The following ANKRD36C variants were observed in gnomAD, a reference collection of about 807,000 sequenced individuals.
ANKRD36C encodes ankyrin repeat domain 36C.
Under a neutral mutation model 276.4 loss-of-function variants are expected in ANKRD36C, and 61 were observed. The observed-to-expected ratio is 0.22, with a 90% CI of 0.18 to 0.27. ANKRD36C has a LOEUF of 0.27. Among genes scored for constraint, ANKRD36C ranks in the 10% least tolerant of loss-of-function variants. ANKRD36C has a pLI of 1.00. For missense variants in ANKRD36C, 1,447 were observed against 2,032.3 expected (o/e 0.71, Z 5.54); for synonymous variants, 483 against 680.1 (o/e 0.71, Z 4.51).
chr2:95,908,658 A>G lies in ANKRD36C; in HGVS notation c.2653+3586T>C. 3.8e-6 allele frequency: 6 copies of G among 1,564,516 alleles called. No homozygotes were observed. Among genetic ancestry groups the G allele is most frequent in the Non-Finnish European group, 5.2e-6 (6 of 1,153,370 alleles). ...TTTACTAGTTCACAACATAAATGACAGTTTCATTACCTTCAAGCCTGGTGG... is the reference window on the plus strand; with the variant it reads ...TTTACTAGTTCACAACATAAATGACGGTTTCATTACCTTCAAGCCTGGTGG... On this transcript the variant is annotated intron_variant, in intron 42 of 66. Coordinates refer to ENST00000456556, the Ensembl canonical transcript of ANKRD36C.
At chr2:95,871,559 A>C (rs1358668960) in intron 59 of ANKRD36C, among the ~76,000 whole-genome samples, 1 of 152,204 alleles carries the variant, frequency 6.6e-6, no homozygotes, top group African/African-American at 2.4e-5. Flanking sequence ...CCACTGCAAA[A>C]TCATGCCAAA....
chr2:95,965,054 A>G (rs1452999775), intron 6 of ANKRD36C, among the ~76,000 whole-genome samples: 1 of 151,984 alleles, frequency 6.6e-6, no homozygotes, highest in African/African-American at 2.4e-5. Flanking sequence ...TGAAAAATGA[A>G]GAATGGTGTA....
At chr2:95,855,382 C>T in exon 63 of ANKRD36C, 1 of 1,613,398 alleles carries the variant, frequency 6.2e-7, no homozygotes, top group Non-Finnish European at 8.5e-7. Context: ...CTGCACTCAG[C>T]TTGAAGGTTT....
chr2:95,916,102 A>C (rs753762099), intron 37 of ANKRD36C, 41 bp downstream of exon 39: 3 of 1,604,766 alleles, frequency 1.9e-6, no homozygotes, highest in East Asian at 2.3e-5. Context: ...TTCATAGGCT[A>C]TACGTTTACT....
rs1677213477 is a variant in ANKRD36C at position 95,919,685 on chromosome 2, C to A, written c.2246-1643G>T. 30 of 332,088 alleles carry A rather than the reference C, an allele frequency of 9.0e-5. 2 individuals carry two copies. The highest frequency in any genetic ancestry group is 1.1e-4 in the Non-Finnish European group (28 of 245,992). The allele number at this position is 332,088 out of a possible 1,614,324, so 20.6% of individuals were successfully genotyped here. A position where few individuals can be genotyped will look rare whatever the true frequency, so the allele number is the denominator to read the frequency against. Reference sequence around the variant, plus strand: ...CTGATTTATTCGGGATAGAGAAGTTCTTTTTTATCTGGATTGAACATGACA... The same window carrying A: ...CTGATTTATTCGGGATAGAGAAGTTATTTTTTATCTGGATTGAACATGACA... On this transcript the variant is annotated intron_variant, in intron 34 of 66. Coordinates refer to ENST00000456556, the Ensembl canonical transcript of ANKRD36C.
Position 95,919,693 on chromosome 2 carries a change from T to A in ANKRD36C, c.2246-1651A>T, listed in dbSNP as rs1186545309. ...TTCGGGATAGAGAAGTTCTTTTTTATCTGGATTGAACATGACATTGAATGT... is the reference window on the plus strand; with the variant it reads ...TTCGGGATAGAGAAGTTCTTTTTTAACTGGATTGAACATGACATTGAATGT... On this transcript the variant is annotated intron_variant, in intron 34 of 66. Transcript: ENST00000456556. 1.6e-5 allele frequency: 13 copies of A among 832,198 alleles called. 5 individuals carry two copies. Among genetic ancestry groups the A allele is most frequent in the Non-Finnish European group, 1.6e-5 (11 of 698,000 alleles). The allele number at this position is 832,198 out of a possible 1,614,324, so 51.6% of individuals were successfully genotyped here.
rs58947823 is a variant in ANKRD36C at position 95,856,904 on chromosome 2, C to G, written c.4080+405G>C. ...TACATACAAAAATAATCTTTTATTTCAAGACACCAAAAGTCAAGAAAATTA... is the reference window on the plus strand; with the variant it reads ...TACATACAAAAATAATCTTTTATTTGAAGACACCAAAAGTCAAGAAAATTA... On this transcript the variant is annotated intron_variant, in intron 62 of 66. Coordinates refer to ENST00000456556, the Ensembl canonical transcript of ANKRD36C. Among the ~76,000 whole-genome samples, 34 of 152,188 alleles carry G rather than the reference C, an allele frequency of 2.2e-4. No homozygotes were observed. The East Asian group carries it at 5.0e-3, about 22-fold the overall frequency.
intron 27 of ANKRD36C, 32 bp from the exon 28 acceptor site, chr2:95,927,318 C>G: frequency 6.2e-7 from 1 of 1,608,306 alleles, no homozygotes; most frequent in Non-Finnish European, 8.5e-7. Flanking sequence ...ATAATCAATA[C>G]GTAAAGTAGG....
chr2:95,867,060 A>G (rs1008934391), intron 60 of ANKRD36C, among the ~76,000 whole-genome samples: 5 of 152,196 alleles, frequency 3.3e-5, no homozygotes, highest in Non-Finnish European at 7.4e-5. Flanking sequence ...TTTTACAACT[A>G]TATAATTATG....
chr2:95,960,769 T>C, intron 8 of ANKRD36C, 102 bp from the exon 9 acceptor site: 1 of 592,200 alleles, frequency 1.7e-6, no homozygotes, highest in Non-Finnish European at 2.9e-6. Flanking sequence ...CCTGCCTGAA[T>C]TAGCATAGGC....
chr2:95,927,755 A>G (rs1677448572), intron 26 of ANKRD36C, among the ~76,000 whole-genome samples: 1 of 151,664 alleles, frequency 6.6e-6, no homozygotes, highest in South Asian at 2.1e-4. Flanking sequence ...CAGGTGGTAC[A>G]TTATCCCACA....
chr2:95,980,130 G>GAA (rs1189126535), intron 5 of ANKRD36C, among the ~76,000 whole-genome samples: 3 of 152,026 alleles, frequency 2.0e-5, no homozygotes, highest in Non-Finnish European at 4.4e-5. Flanking sequence ...CAGAATCAAT[G>GAA]AAAACAAAGC....
Position 95,938,055 on chromosome 2 carries a change from G to A in ANKRD36C, c.1633+774C>T, listed in dbSNP as rs1045809446. ...ATATATTCCACTGATTACAAAAGCC[G>A]AGTTGCAGCTATTATGTACATTGTG... On this transcript the variant is annotated intron_variant, in intron 22 of 66. Transcript: ENST00000456556. Among the ~76,000 whole-genome samples, 19 of 152,082 alleles carry A rather than the reference G, an allele frequency of 1.2e-4. 1 individual carries two copies. Among genetic ancestry groups the A allele is most frequent in the Admixed American group, 7.9e-4 (12 of 15,274 alleles).
At chr2:95,918,165 T>C (rs1007453744) in intron 34 of ANKRD36C, 123 bp from the exon 37 acceptor site, 18 of 1,446,322 alleles carry the variant, frequency 1.2e-5, no homozygotes, top group Non-Finnish European at 1.7e-5. Context: ...TCTGATGTCT[T>C]CTACTTTGTG....
chr2:95,912,772 A>T (rs1010677707), intron 40 of ANKRD36C, among the ~76,000 whole-genome samples: 1 of 151,534 alleles, frequency 6.6e-6, no homozygotes, highest in Non-Finnish European at 1.5e-5. Context: ...CGTGAGAATC[A>T]ATGTCAGAAC....
exon 61 of ANKRD36C, chr2:95,859,939 C>T: frequency 6.4e-7 from 1 of 1,550,526 alleles, no homozygotes; most frequent in Non-Finnish European, 8.7e-7. Flanking sequence ...TTCAGATAGT[C>T]TCTTTTGTAG....
exon 64 of ANKRD36C, chr2:95,853,797 G>A: frequency 6.2e-7 from 1 of 1,607,432 alleles, no homozygotes; most frequent in African/African-American, 1.3e-5. Context: ...ATCCAGCAAA[G>A]CTTTTGTTGC....
intron 44 of ANKRD36C, among the ~76,000 whole-genome samples, chr2:95,892,793 G>A (rs1676413170): frequency 6.6e-6 from 1 of 151,236 alleles, no homozygotes; most frequent in Non-Finnish European, 1.5e-5. Context: ...CTTGAACAAG[G>A]AAGCCAATGT....
chr2:95,852,499 C>T (rs1313926654), intron 64 of ANKRD36C: 2 of 280,274 alleles, frequency 7.1e-6, no homozygotes, highest in Admixed American at 4.9e-5. Flanking sequence ...ACTATCTGGC[C>T]CTTTACAGAA....
Sources: gnomAD v4.1 joint callset for allele counts (sites outside exome capture counted in the v4.1 genomes callset) on GRCh38, gnomAD v4.1.1 for gene constraint, MANE v1.5 for transcripts, NCBI Gene and HGNC (gene_info 2026-07-23, HGNC 2026-07-21) for gene names.